CCL24: variants seen among roughly 807,000 people sequenced by gnomAD.
CCL24 encodes the protein C-C motif chemokine 24.
A neutral mutation model predicts 8.6 loss-of-function variants in CCL24; 6 were observed. That is an observed-to-expected ratio of 0.70 (90% confidence interval 0.38 to 1.38). The LOEUF is 1.38. Among genes scored for constraint, CCL24 ranks in the 40% most tolerant of loss-of-function variants. The pLI, the probability that CCL24 is intolerant of heterozygous loss-of-function variation, is 0.02. For missense variants in CCL24, 126 were observed against 147.1 expected (o/e 0.86, Z 0.74); for synonymous variants, 59 against 52.7 (o/e 1.12, Z -0.52).
upstream of CCL24, among the ~76,000 whole-genome samples, chr7:75,816,571 A>ATTTATTTATTTAT (rs139417962): frequency 1.2e-4 from 18 of 151,538 alleles, no homozygotes; most frequent in African/African-American, 4.1e-4. Context: ...TTATTTATTT[A>ATTTATTTATTTAT]TTATTTTTGA....
At chr7:75,822,026 C>T (rs759904555) in intron 1 of CCL24, among the ~76,000 whole-genome samples, 46 of 151,970 alleles carry the variant, frequency 3.0e-4, no homozygotes, top group Non-Finnish European at 4.9e-4. Flanking sequence ...AGCTTAAACC[C>T]GGGAGGCAGA....
upstream of CCL24, among the ~76,000 whole-genome samples, chr7:75,817,349 G>A (rs1348256796): frequency 6.6e-6 from 1 of 151,954 alleles, no homozygotes; most frequent in African/African-American, 2.4e-5. Context: ...GTGAGGCTGG[G>A]GTAAATAGGG....
At chr7:75,818,257 G>A (rs1467674532), upstream of CCL24, among the ~76,000 whole-genome samples, 2 of 152,072 alleles carry the variant, frequency 1.3e-5, no homozygotes, top group Admixed American at 1.3e-4. Flanking sequence ...GGGCCACTTA[G>A]CTCCCGAAAT....
At chr7:75,820,014 AACT>A (rs1377978696) in intron 1 of CCL24, among the ~76,000 whole-genome samples, 218 of 89,332 alleles carry the variant, frequency 2.4e-3, no homozygotes, top group Non-Finnish European at 3.8e-3. Context: ...GCTTTTAGTA[AACT>A]ACTTCTTCTT....
upstream of CCL24, among the ~76,000 whole-genome samples, chr7:75,817,666 C>G (rs1173041467): frequency 6.6e-6 from 1 of 151,486 alleles, no homozygotes; most frequent in Non-Finnish European, 1.5e-5. Context: ...CCACACCCAG[C>G]TAGTTTTTGT....
At chr7:75,819,289 AAAAAAAAAAAAAAAATATATATATATAT>A (rs1803965829) in intron 1 of CCL24, among the ~76,000 whole-genome samples, 5 of 22,438 alleles carry the variant, frequency 2.2e-4, no homozygotes, top group African/African-American at 4.3e-4. Flanking sequence ...AAAAAAAAAA[AAAAAAAAAAAAAAAATATATATATATAT>A]ATATATATAT....
chr7:75,813,377 C>G lies in CCL24; in HGVS notation c.120G>C (p.Lys40Asn). ...PSPCCMFFVS[K>N]RIPENRVVSY... ...TGACCACTCGGTTCTCAGGAATTCT[C>G]TTGGAAACAAAGAACATGCAGCAGG... The change falls in exon 2 of 3, where the codon AAG (lysine) becomes AAC (asparagine). Residue 40 changes from lysine (K) to asparagine (N), a missense_variant. Coordinates refer to ENST00000222902, the MANE Select transcript of CCL24 (RefSeq NM_002991.3). 1 of 1,613,826 alleles carries G rather than the reference C, an allele frequency of 6.2e-7. No individual in the cohort carries two copies. Among genetic ancestry groups the G allele is most frequent in the Non-Finnish European group, 8.5e-7 (1 of 1,179,918 alleles).
In CCL24 at chr7:75,811,656, T is replaced by C. The variant is rs1471735154; in HGVS notation, c.*140A>G. ...ATCACCTGCTCCCTCGGGTTTTTCA[T>C]AGAAGAGACACATCCCTGGAGAGTG... is the stretch of plus-strand genomic sequence containing the variant. On this transcript the variant is annotated 3_prime_UTR_variant, in exon 3 of 3. Coordinates refer to ENST00000222902, the MANE Select transcript of CCL24 (RefSeq NM_002991.3). 1 of 732,690 alleles carries C rather than the reference T, an allele frequency of 1.4e-6. No homozygotes were observed. Among genetic ancestry groups the C allele is most frequent in the Non-Finnish European group, 2.1e-6 (1 of 465,982 alleles). 45.4% of individuals were successfully genotyped at this position (732,690 alleles called of 1,614,324 possible). A position where few individuals can be genotyped will look rare whatever the true frequency, so the allele number is the denominator to read the frequency against.
At chr7:75,820,086 T>TTCTTCTTCC (rs1563353902) in intron 1 of CCL24, among the ~76,000 whole-genome samples, 32 of 133,610 alleles carry the variant, frequency 2.4e-4, no homozygotes, top group African/African-American at 8.1e-4. Context: ...CTTCTTCTTC[T>TTCTTCTTCC]TCCTCTTCTT....
At chr7:75,818,904 T>C (rs1465969553) in intron 1 of CCL24, among the ~76,000 whole-genome samples, 2 of 151,972 alleles carry the variant, frequency 1.3e-5, no homozygotes, top group Admixed American at 6.6e-5. Context: ...TGTTTTGTTA[T>C]GGTCACCCTC....
In CCL24 at chr7:75,811,636, C is replaced by T; in HGVS notation, c.*160G>A. On this transcript the variant is annotated 3_prime_UTR_variant, in exon 3 of 3. Transcript: ENST00000222902. ...GCTCAGCCCCCGGGAACCACATCAC[C>T]TGCTCCCTCGGGTTTTTCATAGAAG... The T allele has an allele frequency of 1.6e-6, 1 of 629,294 alleles. No homozygotes were observed. Among genetic ancestry groups the T allele is most frequent in the East Asian group, 3.1e-5 (1 of 32,742 alleles). The allele number at this position is 629,294 out of a possible 1,614,324, so 39.0% of individuals were successfully genotyped here. A position where few individuals can be genotyped will look rare whatever the true frequency, so the allele number is the denominator to read the frequency against.
chr7:75,815,141 C>CA (rs1803863201), upstream of CCL24, among the ~76,000 whole-genome samples: 9 of 151,764 alleles, frequency 5.9e-5, no homozygotes, highest in Non-Finnish European at 1.0e-4. Context: ...GAGTTTGAGA[C>CA]CAGCAGGGGC....
Position 75,811,334 on chromosome 7 carries a change from T to C in CCL24, c.*462A>G, listed in dbSNP as rs1461224711. Among the ~76,000 whole-genome samples, 2 of 151,506 alleles carry C rather than the reference T, an allele frequency of 1.3e-5. No individual in the cohort carries two copies. The highest frequency in any genetic ancestry group is 4.8e-5 in the African/African-American group (2 of 41,258). On this transcript the variant is annotated 3_prime_UTR_variant, in exon 3 of 3. Transcript: ENST00000222902. ...TCTCTACTAAAAATACAAAAGTTAG[T>C]TGGGTGTGGTGGTACACACCTGTAG...
chr7:75,813,320 G>A lies in CCL24; in HGVS notation c.177C>T (p.Leu59=). 1 of 1,606,206 alleles carries A rather than the reference G, an allele frequency of 6.2e-7. No individual in the cohort carries two copies. Among genetic ancestry groups the A allele is most frequent in the Non-Finnish European group, 8.5e-7 (1 of 1,173,262 alleles). Residue 59 remains leucine (L), a synonymous_variant, in exon 2 of 3, where the codon CTC becomes CTT. Coordinates refer to ENST00000222902, the MANE Select transcript of CCL24 (RefSeq NM_002991.3). The stretch of plus-strand genomic sequence containing the variant: ...AGGATACCTACATCACTCCTGCCTT[G>A]AGGCATGTGCTCCTGCTGGACAGCT... ...SYQLSSRSTC[L]KAGVIFTTKK...
chr7:75,820,335 C>T (rs1554534926), intron 1 of CCL24, among the ~76,000 whole-genome samples: 1 of 151,964 alleles, frequency 6.6e-6, no homozygotes, highest in Non-Finnish European at 1.5e-5. Context: ...CACGCCACCA[C>T]ACCCAGCTAA....
In CCL24 at chr7:75,811,623, G is replaced by A; in HGVS notation, c.*173C>T. On this transcript the variant is annotated 3_prime_UTR_variant, in exon 3 of 3. Coordinates refer to ENST00000222902, the MANE Select transcript of CCL24 (RefSeq NM_002991.3). ...GCTTGGAGCCATTGCTCAGCCCCCGGGAACCACATCACCTGCTCCCTCGGG... is the reference window on the plus strand; with the variant it reads ...GCTTGGAGCCATTGCTCAGCCCCCGAGAACCACATCACCTGCTCCCTCGGG... The A allele has an allele frequency of 1.7e-6, 1 of 572,104 alleles. No individual in the cohort carries two copies. Among genetic ancestry groups the A allele is most frequent in the Non-Finnish European group, 3.0e-6 (1 of 335,490 alleles). 35.4% of individuals were successfully genotyped at this position (572,104 alleles called of 1,614,324 possible). A position where few individuals can be genotyped will look rare whatever the true frequency, so the allele number is the denominator to read the frequency against.
At chr7:75,821,655 A>G (rs1395887958) in intron 1 of CCL24, among the ~76,000 whole-genome samples, 6 of 151,756 alleles carry the variant, frequency 4.0e-5, no homozygotes, top group African/African-American at 7.3e-5. Flanking sequence ...AGAACAAGGG[A>G]GGGGCTCAAG....
chr7:75,820,247 C>T (rs556669325), intron 1 of CCL24, among the ~76,000 whole-genome samples: 40 of 151,366 alleles, frequency 2.6e-4, no homozygotes, highest in Non-Finnish European at 5.1e-4. Context: ...AGCACAATCT[C>T]GGCTCACTGC....
At chr7:75,817,246 TCTCA>T (rs1277899978), upstream of CCL24, among the ~76,000 whole-genome samples, 1 of 152,130 alleles carries the variant, frequency 6.6e-6, no homozygotes, top group Non-Finnish European at 1.5e-5. Context: ...GCCTGCATTT[TCTCA>T]CTCAGTGGGT....
Sources: allele counts gnomAD v4.1 joint callset (sites outside exome capture counted in the v4.1 genomes callset), GRCh38; gene constraint gnomAD v4.1.1; transcripts MANE v1.5; gene names NCBI Gene and HGNC (gene_info 2026-07-23, HGNC 2026-07-21).